OLFM3: variants seen among roughly 807,000 people sequenced by gnomAD.
The protein encoded by OLFM3 is olfactomedin 3, also known as noelin-3.
OLFM3 carries 20 observed loss-of-function variants against 48.6 expected under a neutral mutation model. The ratio of observed to expected loss-of-function variants is 0.41; its 90% CI spans 0.29 to 0.60. OLFM3 has a LOEUF of 0.60. Ranked by LOEUF, OLFM3 falls within the 20% of genes least tolerant of loss-of-function variation. The probability of loss-of-function intolerance (pLI) is 0.28; values close to 1 mark genes in which losing one functional copy is unlikely to be tolerated. For synonymous variants in OLFM3, 222 were observed against 198.1 expected, an observed-to-expected ratio of 1.12 and a Z score of -1.01; for missense variants, 437 against 544.3, an observed-to-expected ratio of 0.80 and a Z score of 1.96.
Position 101,804,939 on chromosome 1 carries a change from T to A in OLFM3, c.700-24A>T. On this transcript the variant is annotated intron_variant, in intron 5 of 5. Coordinates refer to ENST00000370103, the MANE Select transcript of OLFM3 (RefSeq NM_058170.4). This position sits in a 1 kb window ranked among gnomAD's most constrained non-coding sequence, Gnocchi z 4.5. ...ACCTGAGAAGAAGGAAAAAAATAAA[T>A]GGAGTGACTAAATTCTGTACTTTTC... The A allele has an allele frequency of 6.5e-7, 1 of 1,549,542 alleles. No individual in the cohort carries two copies. Among genetic ancestry groups the A allele is most frequent in the Non-Finnish European group, 8.8e-7 (1 of 1,139,958 alleles).
At chr1:101,970,514 T>C (rs1022268695) in intron 1 of OLFM3, among the ~76,000 whole-genome samples, 1 of 152,224 alleles carries the variant, frequency 6.6e-6, no homozygotes, top group Non-Finnish European at 1.5e-5. Context: ...CTTTTCCCCC[T>C]TCTTTCCTGC....
rs1281393592 is a variant in OLFM3, at chr1:101,849,954, T to TAA, written c.70-12930_70-12929insTT. Among the ~76,000 whole-genome samples, 4 of 152,276 alleles carry TAA rather than the reference T, an allele frequency of 2.6e-5. No homozygotes were observed. The East Asian group carries it at 5.8e-4, about 22-fold the overall frequency. On this transcript the variant is annotated intron_variant, in intron 1 of 5. Transcript: ENST00000370103. ...ACTGGATGATAATGTGCCCCACACT[T>TAA]AGAGTTCAGAAAAGAATTAATTTCC...
At chr1:101,839,067 G>C (rs946268811) in intron 1 of OLFM3, among the ~76,000 whole-genome samples, 1 of 152,172 alleles carries the variant, frequency 6.6e-6, no homozygotes, top group African/African-American at 2.4e-5. Flanking sequence ...AGAAACTCAT[G>C]ATGATACCAA....
At chr1:101,884,938 A>G (rs1345647087) in intron 1 of OLFM3, among the ~76,000 whole-genome samples, 4 of 152,074 alleles carry the variant, frequency 2.6e-5, no homozygotes, top group Non-Finnish European at 1.5e-5. Context: ...ATAAGAACCT[A>G]TAAGGCTCAT....
At chr1:101,835,273 A>G (rs67936180) in intron 2 of OLFM3, among the ~76,000 whole-genome samples, 26,367 of 152,210 alleles carry the variant, frequency 0.17, 2,472 homozygotes, top group Non-Finnish European at 0.22. Context: ...AACAAACAAA[A>G]TATATATTTG....
intron 1 of OLFM3, among the ~76,000 whole-genome samples, chr1:101,951,407 G>A (rs766318935): frequency 6.6e-6 from 1 of 152,054 alleles, no homozygotes; most frequent in Non-Finnish European, 1.5e-5. Flanking sequence ...CAATATTCCT[G>A]GTGTATGTAG....
intron 1 of OLFM3, among the ~76,000 whole-genome samples, chr1:101,878,502 A>G (rs1359573248): frequency 6.6e-6 from 1 of 151,942 alleles, no homozygotes; most frequent in African/African-American, 2.4e-5. Flanking sequence ...CATCAGCTAC[A>G]GTGATGAATA....
chr1:101,960,799 G>A (rs1415870227), intron 1 of OLFM3, among the ~76,000 whole-genome samples: 7 of 152,096 alleles, frequency 4.6e-5, no homozygotes, highest in Admixed American at 2.6e-4. Context: ...AGTTCTGCTA[G>A]TCCAACTGAG....
At chr1:101,963,589 T>TA (rs202166337) in intron 1 of OLFM3, among the ~76,000 whole-genome samples, 125 of 150,020 alleles carry the variant, frequency 8.3e-4, no homozygotes, top group African/African-American at 1.3e-3. Context: ...TCTTTCTCTT[T>TA]AAAAAAAAAA....
chr1:101,863,043 C>T (rs1475067672), intron 1 of OLFM3, among the ~76,000 whole-genome samples: 1 of 150,526 alleles, frequency 6.6e-6, no homozygotes, highest in Non-Finnish European at 1.5e-5. Flanking sequence ...TCATTGTAAC[C>T]TCCGCCTCCC....
chr1:101,850,716 G>A, intron 1 of OLFM3, among the ~76,000 whole-genome samples: 1 of 152,104 alleles, frequency 6.6e-6, no homozygotes, highest in East Asian at 1.9e-4. Context: ...CTAAAAGTTT[G>A]ACTTTAGGTA....
At chr1:101,904,177 C>T (rs531408674) in intron 1 of OLFM3, among the ~76,000 whole-genome samples, 5 of 152,028 alleles carry the variant, frequency 3.3e-5, no homozygotes, top group Admixed American at 6.6e-5. Flanking sequence ...CCCACAATAA[C>T]GCACTTTCTT....
At chr1:101,974,159 T>TAA (rs5776615) in intron 1 of OLFM3, among the ~76,000 whole-genome samples, 103 of 145,988 alleles carry the variant, frequency 7.1e-4, no homozygotes, top group South Asian at 1.7e-3. Context: ...CGGTGGATGC[T>TAA]AAAAAAAAAA....
intron 1 of OLFM3, among the ~76,000 whole-genome samples, chr1:101,969,392 C>T (rs534886470): frequency 1.3e-5 from 2 of 151,292 alleles, no homozygotes; most frequent in East Asian, 2.0e-4. Flanking sequence ...GTCTTGAACT[C>T]GTGGACTCAA....
At chr1:101,944,200 A>G (rs1659885043) in intron 1 of OLFM3, among the ~76,000 whole-genome samples, 1 of 152,196 alleles carries the variant, frequency 6.6e-6, no homozygotes, top group South Asian at 2.1e-4. Context: ...ATGTTTAATT[A>G]TTGCCAATGC....
intron 1 of OLFM3, among the ~76,000 whole-genome samples, chr1:101,862,586 C>A (rs1439678418): frequency 6.6e-6 from 1 of 152,150 alleles, no homozygotes; most frequent in Non-Finnish European, 1.5e-5. Context: ...TGGAGGAATT[C>A]ATTCTTATGA....
intron 1 of OLFM3, among the ~76,000 whole-genome samples, chr1:101,968,133 TA>T: frequency 6.6e-6 from 1 of 152,202 alleles, no homozygotes; most frequent in Non-Finnish European, 1.5e-5. Flanking sequence ...CTAGTCACCC[TA>T]AGCCTGAGTA....
At chr1:101,982,913 TAC>T (rs149648138) in intron 1 of OLFM3, among the ~76,000 whole-genome samples, 306 of 150,934 alleles carry the variant, frequency 2.0e-3, no homozygotes, top group African/African-American at 7.1e-3. Flanking sequence ...TCTTTGTTTT[TAC>T]ACACACACAC....
chr1:101,811,341 G>T (rs941746029), intron 4 of OLFM3, among the ~76,000 whole-genome samples: 1 of 152,046 alleles, frequency 6.6e-6, no homozygotes, highest in Admixed American at 6.6e-5. Flanking sequence ...TGACAAATGG[G>T]ATCTAATTAA....
Sources: gnomAD v4.1 joint callset for allele counts (sites outside exome capture counted in the v4.1 genomes callset) on GRCh38, gnomAD v4.1.1 for gene constraint, Gnocchi (gnomAD v3.1) non-coding constraint, MANE v1.5 for transcripts, NCBI Gene and HGNC (gene_info 2026-07-23, HGNC 2026-07-21) for gene names.